The following DYNC1I1 variants were observed in gnomAD, a reference collection of about 807,000 sequenced individuals.
The protein encoded by DYNC1I1 is cytoplasmic dynein 1 intermediate chain 1.
DYNC1I1 carries 43 observed loss-of-function variants against 86.6 expected under a neutral mutation model. That is an observed-to-expected ratio of 0.50 (90% CI 0.39 to 0.64). The LOEUF (loss-of-function observed/expected upper bound fraction) is 0.64, where lower values mean the gene tolerates loss of function less well. Among genes scored for constraint, DYNC1I1 ranks in the 30% least tolerant of loss-of-function variants. The pLI is 0.00. For missense variants in DYNC1I1, 604 were observed against 788.8 expected, an observed-to-expected ratio of 0.77 and a Z score of 2.81; for synonymous variants, 262 against 283.7, an observed-to-expected ratio of 0.92 and a Z score of 0.77.
intron 14 of DYNC1I1, among the ~76,000 whole-genome samples, chr7:96,040,662 G>A (rs1167255478): frequency 1.3e-5 from 2 of 151,884 alleles, no homozygotes; most frequent in African/African-American, 4.8e-5. Context: ...AGAAGAGAGA[G>A]CCCTCCAAAC....
chr7:95,851,195 A>G (rs1446086823), intron 5 of DYNC1I1, among the ~76,000 whole-genome samples: 1 of 152,098 alleles, frequency 6.6e-6, no homozygotes, highest in Non-Finnish European at 1.5e-5. Context: ...TTGGCCTCCC[A>G]AAGTGTTGGG....
rs1453767438 is a variant in DYNC1I1 at position 96,076,214 on chromosome 7, G to A, written c.1650+17G>A. Reference sequence around the variant, plus strand: ...GACACCGAGGTGAGCGGCGGCTCAGGCGCCCGGGCCGGAGGGCTGGGAGGG... The same window carrying A: ...GACACCGAGGTGAGCGGCGGCTCAGACGCCCGGGCCGGAGGGCTGGGAGGG... On this transcript the variant is annotated intron_variant, in intron 15 of 16. Transcript: ENST00000447467. 1.2e-6 allele frequency: 2 copies of A among 1,613,248 alleles called. No individual in the cohort carries two copies. The highest frequency in any genetic ancestry group is 2.7e-5 in the African/African-American group (2 of 75,052).
In DYNC1I1 at chr7:95,977,552, C is replaced by T; in HGVS notation, c.531C>T (p.Gly177=). 2 of 1,612,740 alleles carry T rather than the reference C, an allele frequency of 1.2e-6. No individual in the cohort carries two copies. Among genetic ancestry groups the T allele is most frequent in the Non-Finnish European group, 1.7e-6 (2 of 1,179,404 alleles). Residue 177 remains glycine (G), a synonymous_variant, in exon 7 of 17, where the codon GGC becomes GGT. Transcript: ENST00000447467. ...EDEEMVESKV[G]QDSELENQDK... ...AGGAAATGGTGGAATCTAAAGTTGG[C>T]CAGGACTCAGAACTGGAAAATCAGG...
chr7:95,891,790 G>A (rs1267113315), intron 6 of DYNC1I1, among the ~76,000 whole-genome samples: 1 of 152,096 alleles, frequency 6.6e-6, no homozygotes, highest in African/African-American at 2.4e-5. Context: ...ATGATTTGGG[G>A]TGTGTACTCT....
chr7:95,956,013 T>C (rs1792700869), intron 6 of DYNC1I1, among the ~76,000 whole-genome samples: 1 of 152,224 alleles, frequency 6.6e-6, no homozygotes. Flanking sequence ...CTTATAAAAG[T>C]AGCTACTACT....
chr7:95,949,106 AAGTT>A (rs1182215755), intron 6 of DYNC1I1, among the ~76,000 whole-genome samples: 1 of 152,144 alleles, frequency 6.6e-6, no homozygotes, highest in Non-Finnish European at 1.5e-5. Flanking sequence ...ATGATGATGA[AAGTT>A]AGGAAAAAAT....
At chr7:95,892,796 A>G (rs1390806669) in intron 6 of DYNC1I1, among the ~76,000 whole-genome samples, 1 of 152,194 alleles carries the variant, frequency 6.6e-6, no homozygotes, top group Admixed American at 6.5e-5. Flanking sequence ...AGTGATGGAA[A>G]TAACATTAGC....
At chr7:95,972,040 G>A (rs1362501407) in intron 6 of DYNC1I1, among the ~76,000 whole-genome samples, 1 of 152,138 alleles carries the variant, frequency 6.6e-6, no homozygotes, top group Non-Finnish European at 1.5e-5. Context: ...AGCCCTAAGA[G>A]GGCTGAGGAA....
At chr7:96,035,901 G>C (rs1794917172) in intron 13 of DYNC1I1, 149 bp downstream of exon 13, 5 of 1,324,064 alleles carry the variant, frequency 3.8e-6, no homozygotes, top group South Asian at 2.7e-5. Flanking sequence ...TTAAAGAGCT[G>C]CATCTGCTCT....
intron 6 of DYNC1I1, among the ~76,000 whole-genome samples, chr7:95,966,829 A>G (rs1189346315): frequency 5.3e-5 from 8 of 152,218 alleles, no homozygotes; most frequent in Non-Finnish European, 1.2e-4. Context: ...ACCGGTGACT[A>G]GGACAGGAAA....
chr7:96,088,056 G>A (rs1790734120), intron 16 of DYNC1I1, among the ~76,000 whole-genome samples: 1 of 152,100 alleles, frequency 6.6e-6, no homozygotes, highest in Non-Finnish European at 1.5e-5. Context: ...TCATCTTATA[G>A]TACGTGTAAT....
At chr7:95,831,271 G>A (rs1178414783) in intron 5 of DYNC1I1, among the ~76,000 whole-genome samples, 2 of 152,060 alleles carry the variant, frequency 1.3e-5, no homozygotes, top group Non-Finnish European at 2.9e-5. Flanking sequence ...TCATGCTTTT[G>A]TTAACATAAT....
intron 6 of DYNC1I1, among the ~76,000 whole-genome samples, chr7:95,938,972 G>C (rs1446258804): frequency 6.6e-6 from 1 of 152,140 alleles, no homozygotes; most frequent in African/African-American, 2.4e-5. Context: ...CTTTGAATGT[G>C]TCCCAGAGAT....
intron 6 of DYNC1I1, among the ~76,000 whole-genome samples, chr7:95,934,918 T>C (rs1310404390): frequency 6.6e-6 from 1 of 151,836 alleles, no homozygotes; most frequent in Admixed American, 6.6e-5. Context: ...TTTTTGTTCT[T>C]CGTTTTTTTT....
intron 14 of DYNC1I1, among the ~76,000 whole-genome samples, chr7:96,068,350 A>G (rs1484262635): frequency 6.6e-6 from 1 of 152,208 alleles, no homozygotes; most frequent in African/African-American, 2.4e-5. Flanking sequence ...TCTCTCCACC[A>G]TTAAAATAAA....
intron 11 of DYNC1I1, among the ~76,000 whole-genome samples, chr7:96,032,283 T>C (rs571053849): frequency 1.3e-5 from 2 of 152,314 alleles, no homozygotes; most frequent in African/African-American, 2.4e-5. Flanking sequence ...TTCTACCCTT[T>C]TGAAGACTGT....
chr7:95,803,563 T>C (rs975263064), intron 1 of DYNC1I1, among the ~76,000 whole-genome samples: 2 of 152,252 alleles, frequency 1.3e-5, no homozygotes, highest in Non-Finnish European at 2.9e-5. Context: ...CCAGAGTGAC[T>C]GTAGATTCAT....
At chr7:95,912,223 G>C (rs1033546866) in intron 6 of DYNC1I1, among the ~76,000 whole-genome samples, 1 of 152,134 alleles carries the variant, frequency 6.6e-6, no homozygotes, top group African/African-American at 2.4e-5. Flanking sequence ...TATTAGTAGA[G>C]AGGGGGTTTC....
intron 14 of DYNC1I1, among the ~76,000 whole-genome samples, chr7:96,073,342 C>T (rs1267833018): frequency 6.6e-6 from 1 of 152,096 alleles, no homozygotes; most frequent in Non-Finnish European, 1.5e-5. Context: ...GTAACATGAA[C>T]AATAGCAGTT....
Sources: allele counts gnomAD v4.1 joint callset (sites outside exome capture counted in the v4.1 genomes callset), GRCh38; gene constraint gnomAD v4.1.1; transcripts MANE v1.5; gene names NCBI Gene and HGNC (gene_info 2026-07-23, HGNC 2026-07-21).